PAK5: variants seen among roughly 807,000 people sequenced by gnomAD.
The protein encoded by PAK5 is serine/threonine-protein kinase PAK 5.
Under a neutral mutation model 65.9 loss-of-function variants are expected in PAK5, and 16 were observed. The observed-to-expected ratio is 0.24, with a 90% CI of 0.16 to 0.37. The LOEUF is 0.37. Among genes scored for constraint, PAK5 ranks in the 10% least tolerant of loss-of-function variants. The probability of loss-of-function intolerance (pLI) is 1.00; values close to 1 mark genes in which losing one functional copy is unlikely to be tolerated. For missense variants in PAK5, 785 were observed against 903.9 expected, an observed-to-expected ratio of 0.87 and a Z score of 1.69; for synonymous variants, 371 against 354.9, an observed-to-expected ratio of 1.05 and a Z score of -0.51.
chr20:9,792,446 T>C (rs1196751786), intron 1 of PAK5, among the ~76,000 whole-genome samples: 2 of 152,128 alleles, frequency 1.3e-5, no homozygotes, highest in East Asian at 3.9e-4. Flanking sequence ...TTTTCAGAAG[T>C]GCTGTTTGCA....
intron 1 of PAK5, among the ~76,000 whole-genome samples, chr20:9,833,365 A>C (rs925624592): frequency 5.3e-5 from 8 of 152,084 alleles, no homozygotes; most frequent in African/African-American, 1.9e-4. Flanking sequence ...CCAATGATCA[A>C]ATTTACTTTT....
At chr20:9,779,497 A>G (rs2048919832) in intron 1 of PAK5, among the ~76,000 whole-genome samples, 1 of 146,764 alleles carries the variant, frequency 6.8e-6, no homozygotes, top group Admixed American at 6.8e-5. Flanking sequence ...GTTTTTTTTC[A>G]GATACATCCT....
At chr20:9,544,609 T>C in intron 7 of PAK5, 115 bp from the exon 8 acceptor site, 1 of 947,136 alleles carries the variant, frequency 1.1e-6, no homozygotes, top group South Asian at 1.5e-5. Context: ...TCAACAGGCC[T>C]TGGACATATC....
At chr20:9,704,202 CTG>C (rs2047976759) in intron 2 of PAK5, among the ~76,000 whole-genome samples, 1 of 152,142 alleles carries the variant, frequency 6.6e-6, no homozygotes, top group Non-Finnish European at 1.5e-5. Flanking sequence ...GATCCTGGGC[CTG>C]TGTTACAACA....
At chr20:9,638,240 T>G (rs560018652) in intron 3 of PAK5, among the ~76,000 whole-genome samples, 14 of 152,364 alleles carry the variant, frequency 9.2e-5, no homozygotes, top group African/African-American at 2.9e-4. Context: ...GCTTATGATG[T>G]TCTCATGGAC....
intron 1 of PAK5, among the ~76,000 whole-genome samples, chr20:9,813,552 T>C (rs1443326313): frequency 6.6e-6 from 1 of 152,154 alleles, no homozygotes; most frequent in Admixed American, 6.5e-5. Context: ...GTAACGTTCA[T>C]AGCAGCAGTG....
chr20:9,706,345 AAC>A (rs1442277181), intron 2 of PAK5, among the ~76,000 whole-genome samples: 1 of 152,178 alleles, frequency 6.6e-6, no homozygotes, highest in Non-Finnish European at 1.5e-5. Flanking sequence ...TGAAGCCACA[AAC>A]ACAGTCACAT....
In PAK5 at chr20:9,718,854, C is replaced by A. The variant is rs2048181585; in HGVS notation, c.-161-7419G>T. Among the ~76,000 whole-genome samples the A allele has an allele frequency of 3.3e-5, 5 of 152,246 alleles. No homozygotes were observed. In the South Asian group the frequency reaches 1.0e-3, roughly 32 times the overall value. On this transcript the variant is annotated intron_variant, in intron 1 of 9. Transcript: ENST00000353224. ...TCAGTTAGATGCTGCATTCCTCATC[C>A]AGTAGGTGAACTCCAAGTACACAAA...
At chr20:9,546,330 C>T (rs113603738) in intron 7 of PAK5, among the ~76,000 whole-genome samples, 110 of 152,300 alleles carry the variant, frequency 7.2e-4, no homozygotes, top group African/African-American at 2.5e-3. Flanking sequence ...GACAGCAGTA[C>T]ACCTCACTCC....
At chr20:9,671,332 A>G (rs945172271) in intron 2 of PAK5, among the ~76,000 whole-genome samples, 36 of 152,136 alleles carry the variant, frequency 2.4e-4, no homozygotes, top group Admixed American at 2.2e-3. Context: ...TAGCTTGATG[A>G]GGATGGCATT....
chr20:9,560,511 C>T (rs2045575590), intron 6 of PAK5, among the ~76,000 whole-genome samples: 1 of 152,080 alleles, frequency 6.6e-6, no homozygotes, highest in Non-Finnish European at 1.5e-5. Context: ...AGGGACATGC[C>T]ACCACACTCA....
In PAK5 at chr20:9,741,899, T is replaced by C. The variant is rs149759838; in HGVS notation, c.-161-30464A>G. Among the ~76,000 whole-genome samples the C allele has an allele frequency of 5.9e-5, 9 of 152,174 alleles. No homozygotes were observed. In the East Asian group the frequency reaches 1.5e-3, roughly 26 times the overall value. ...AAAAAAAACTCCTCCCTCTTTCCTG[T>C]CTTGAAAGCAATACTTGGAAAAATA... On this transcript the variant is annotated intron_variant, in intron 1 of 9. Transcript: ENST00000353224.
At position 9,667,000 on chromosome 20, in the gene PAK5, G is replaced by A. The variant is rs143846093; in HGVS notation, c.-11-22661C>T. Among the ~76,000 whole-genome samples, 15 of 152,194 alleles carry A rather than the reference G, an allele frequency of 9.9e-5. No homozygotes were observed. The East Asian group carries it at 1.4e-3, about 14-fold the overall frequency. ...CTTTCATTAAGATGTAGAGTAGATC[G>A]GGCATAGTGGCTCATGCCTGTAATC... On this transcript the variant is annotated intron_variant, in intron 2 of 9. Transcript: ENST00000353224.
At chr20:9,782,394 A>G (rs138067669) in intron 1 of PAK5, among the ~76,000 whole-genome samples, 15 of 152,150 alleles carry the variant, frequency 9.9e-5, no homozygotes, top group African/African-American at 3.4e-4. Flanking sequence ...CAAAAATAAT[A>G]CTCTTCACTG....
At chr20:9,552,037 C>T (rs1027543975) in intron 7 of PAK5, among the ~76,000 whole-genome samples, 4 of 152,186 alleles carry the variant, frequency 2.6e-5, no homozygotes, top group African/African-American at 9.6e-5. Context: ...TGGTACAACT[C>T]ACCCTCCTTA....
intron 3 of PAK5, among the ~76,000 whole-genome samples, chr20:9,600,886 C>A (rs1392900872): frequency 1.3e-5 from 2 of 152,116 alleles, no homozygotes; most frequent in African/African-American, 4.8e-5. Context: ...AGGACCTTCT[C>A]TTCATTTTTT....
intron 1 of PAK5, among the ~76,000 whole-genome samples, chr20:9,727,283 G>A (rs1887866001): frequency 6.6e-6 from 1 of 152,032 alleles, no homozygotes; most frequent in Non-Finnish European, 1.5e-5. Flanking sequence ...ATGACCCAAG[G>A]GCAAAATCTT....
At chr20:9,726,341 A>T (rs1211142240) in intron 1 of PAK5, among the ~76,000 whole-genome samples, 3 of 152,164 alleles carry the variant, frequency 2.0e-5, no homozygotes, top group Non-Finnish European at 4.4e-5. Context: ...TTAAGAAGTC[A>T]ACTGAAATAT....
intron 1 of PAK5, among the ~76,000 whole-genome samples, chr20:9,816,598 C>CT: frequency 6.6e-6 from 1 of 152,266 alleles, no homozygotes; most frequent in African/African-American, 2.4e-5. Flanking sequence ...TCAGTCTTAT[C>CT]TCCTGTTCTC....
Sources: gnomAD v4.1 joint callset for allele counts (sites outside exome capture counted in the v4.1 genomes callset) on GRCh38, gnomAD v4.1.1 for gene constraint, MANE v1.5 for transcripts, NCBI Gene and HGNC (gene_info 2026-07-23, HGNC 2026-07-21) for gene names.